Variants in GABRB2 observed in about 807,000 individuals in gnomAD.
GABRB2 encodes the protein gamma-aminobutyric acid type A receptor subunit beta2, also known as gamma-aminobutyric acid receptor subunit beta-2.
A neutral mutation model predicts 54.7 loss-of-function variants in GABRB2; 16 were observed. The observed-to-expected ratio is 0.29, with a 90% CI of 0.20 to 0.44. GABRB2 has a LOEUF of 0.44. Among genes scored for constraint, GABRB2 ranks in the 20% least tolerant of loss-of-function variants. The probability of loss-of-function intolerance (pLI) is 1.00; values close to 1 mark genes in which losing one functional copy is unlikely to be tolerated. For missense variants in GABRB2, 355 were observed against 644.0 expected, an observed-to-expected ratio of 0.55 and a Z score of 4.86; for synonymous variants, 244 against 233.8, an observed-to-expected ratio of 1.04 and a Z score of -0.40.
chr5:161,491,647 G>T (rs908000839), intron 3 of GABRB2, among the ~76,000 whole-genome samples: 24 of 151,610 alleles, frequency 1.6e-4, no homozygotes, highest in Admixed American at 1.4e-3. Flanking sequence ...ACCCCATTCA[G>T]AACCTTCAAA....
rs1426757241 is a variant in GABRB2, at chr5:161,459,607, A to C, written c.458+17T>G. 1 of 1,599,304 alleles carries C rather than the reference A, an allele frequency of 6.3e-7. No homozygotes were observed. The highest frequency in any genetic ancestry group is 8.6e-7 in the Non-Finnish European group (1 of 1,166,908). On this transcript the variant is annotated intron_variant, in intron 4 of 9. Coordinates refer to ENST00000393959, the MANE Select transcript of GABRB2 (RefSeq NM_001371727.1). The stretch of plus-strand genomic sequence containing the variant: ...TTTGTTCAGGAAAAGTTATATTTTG[A>C]ATTGGGGACAACAGACCTGAGTCCA...
intron 5 of GABRB2, among the ~76,000 whole-genome samples, chr5:161,407,381 G>A (rs1015035378): frequency 6.6e-6 from 1 of 152,020 alleles, no homozygotes; most frequent in Non-Finnish European, 1.5e-5. Context: ...AGTGTAATGA[G>A]TTTCAATGTC....
intron 4 of GABRB2, among the ~76,000 whole-genome samples, chr5:161,435,801 G>A (rs954956668): frequency 6.6e-6 from 1 of 152,130 alleles, no homozygotes; most frequent in South Asian, 2.1e-4. Context: ...TATAGTAGAC[G>A]TGGAACAGTA....
At chr5:161,359,958 G>A (rs1195081354) in intron 5 of GABRB2, among the ~76,000 whole-genome samples, 1 of 152,126 alleles carries the variant, frequency 6.6e-6, no homozygotes, top group East Asian at 1.9e-4. Flanking sequence ...GCAGGTGCCT[G>A]TAGTCCCAGC....
At chr5:161,534,301 G>T (rs1316939079) in intron 3 of GABRB2, among the ~76,000 whole-genome samples, 1 of 152,110 alleles carries the variant, frequency 6.6e-6, no homozygotes, top group Non-Finnish European at 1.5e-5. Flanking sequence ...TGACAAGAGA[G>T]AATTATCTGG....
At chr5:161,337,790 CA>C (rs1055105745) in intron 5 of GABRB2, among the ~76,000 whole-genome samples, 26 of 150,502 alleles carry the variant, frequency 1.7e-4, no homozygotes, top group Admixed American at 2.7e-4. Context: ...ACCCACCCTC[CA>C]AAAAAAAACC....
chr5:161,485,029 G>T (rs1758875251), intron 3 of GABRB2, among the ~76,000 whole-genome samples: 1 of 151,900 alleles, frequency 6.6e-6, no homozygotes, highest in Non-Finnish European at 1.5e-5. Flanking sequence ...CTAGATCTTT[G>T]CATAAGCTGT....
chr5:161,486,058 G>T (rs143059673), intron 3 of GABRB2, among the ~76,000 whole-genome samples: 4 of 151,894 alleles, frequency 2.6e-5, no homozygotes, highest in African/African-American at 9.7e-5. Context: ...GGGACAATAC[G>T]TTCCCTCTTT....
At chr5:161,515,563 T>A (rs1759916373) in intron 3 of GABRB2, among the ~76,000 whole-genome samples, 1 of 152,170 alleles carries the variant, frequency 6.6e-6, no homozygotes, top group Non-Finnish European at 1.5e-5. Context: ...AATTCCACAG[T>A]GGATTTAATT....
At chr5:161,510,218 C>A (rs1561676839) in intron 3 of GABRB2, among the ~76,000 whole-genome samples, 1 of 151,682 alleles carries the variant, frequency 6.6e-6, no homozygotes, top group Non-Finnish European at 1.5e-5. Flanking sequence ...ATGTCTTATT[C>A]ATTCTTCTAA....
intron 5 of GABRB2, among the ~76,000 whole-genome samples, chr5:161,355,808 A>T (rs1327707231): frequency 6.6e-6 from 1 of 152,092 alleles, no homozygotes; most frequent in East Asian, 1.9e-4. Flanking sequence ...GCCATTTTGC[A>T]ATATGTATAG....
At chr5:161,532,514 G>C (rs879831043) in intron 3 of GABRB2, among the ~76,000 whole-genome samples, 3 of 152,062 alleles carry the variant, frequency 2.0e-5, no homozygotes, top group South Asian at 2.1e-4. Context: ...ACTCACACTA[G>C]ACTCAGATGA....
intron 4 of GABRB2, among the ~76,000 whole-genome samples, chr5:161,455,272 C>A (rs1280762193): frequency 2.0e-5 from 3 of 152,124 alleles, no homozygotes; most frequent in Non-Finnish European, 4.4e-5. Flanking sequence ...GAGCTTTGAG[C>A]ACCCCTCTCC....
intron 5 of GABRB2, among the ~76,000 whole-genome samples, chr5:161,368,083 C>T (rs898704182): frequency 2.0e-5 from 3 of 146,608 alleles, no homozygotes; most frequent in Admixed American, 1.4e-4. Context: ...ACAAGAATAT[C>T]CTATTTAATT....
intron 5 of GABRB2, among the ~76,000 whole-genome samples, chr5:161,386,678 G>A (rs1755648268): frequency 6.6e-6 from 1 of 151,920 alleles, no homozygotes. Flanking sequence ...CCCTTATGTG[G>A]GACTACAGGC....
rs1356442990 is a variant in GABRB2, at chr5:161,289,056, TG to T, written c.*5024del. 8 of 152,176 alleles carry T rather than the reference TG, an allele frequency of 5.3e-5. No homozygotes were observed. Among genetic ancestry groups the T allele is most frequent in the Non-Finnish European group, 1.2e-4 (8 of 68,030 alleles). The allele number at this position is 152,176 out of a possible 1,614,324, so 9.4% of individuals were successfully genotyped here. On this transcript the variant is annotated 3_prime_UTR_variant, in exon 10 of 10. Transcript: ENST00000393959. ...GAGGATGTGACACGGCAGTGACATT[TG>T]GTTTGGGAACTCAAAGGACATACAG...
chr5:161,299,779 GATCTCATTTAATTC>G (rs1757483835), intron 9 of GABRB2, among the ~76,000 whole-genome samples: 2 of 152,016 alleles, frequency 1.3e-5, no homozygotes, highest in African/African-American at 2.4e-5. Context: ...CTCATTTAAA[GATCTCATTTAATTC>G]ATCTCATTTA....
chr5:161,509,316 T>C (rs1306496579), intron 3 of GABRB2, among the ~76,000 whole-genome samples: 1 of 152,024 alleles, frequency 6.6e-6, no homozygotes, highest in African/African-American at 2.4e-5. Flanking sequence ...TCTTCATATT[T>C]TGTAAATACA....
At chr5:161,318,541 TA>T (rs1758111709) in intron 9 of GABRB2, among the ~76,000 whole-genome samples, 1 of 152,062 alleles carries the variant, frequency 6.6e-6, no homozygotes, top group Non-Finnish European at 1.5e-5. Context: ...TGCTCTAAGT[TA>T]ATTTATGTTT....
Sources: gnomAD v4.1 joint callset for allele counts (sites outside exome capture counted in the v4.1 genomes callset) on GRCh38, gnomAD v4.1.1 for gene constraint, MANE v1.5 for transcripts, NCBI Gene and HGNC (gene_info 2026-07-23, HGNC 2026-07-21) for gene names.